GRIP2: variants seen among roughly 807,000 people sequenced by gnomAD.
The protein encoded by GRIP2 is glutamate receptor-interacting protein 2.
Under a neutral mutation model 108.3 loss-of-function variants are expected in GRIP2, and 58 were observed. The ratio of observed to expected loss-of-function variants is 0.54; its 90% CI spans 0.43 to 0.67. The LOEUF (loss-of-function observed/expected upper bound fraction) is 0.67. Ranked by LOEUF, GRIP2 falls within the 30% of genes least tolerant of loss-of-function variation. The probability of loss-of-function intolerance (pLI) is 0.00; values close to 1 mark genes in which losing one functional copy is unlikely to be tolerated. For synonymous variants in GRIP2, 586 were observed against 598.2 expected, an observed-to-expected ratio of 0.98 and a Z score of 0.30; for missense variants, 1,278 against 1,430.6, an observed-to-expected ratio of 0.89 and a Z score of 1.72.
At chr3:14,584,556 G>A in the GRIP2 span, among the ~76,000 whole-genome samples, 1 of 152,224 alleles carries the variant, frequency 6.6e-6, no homozygotes, top group Non-Finnish European at 1.5e-5. Flanking sequence ...ATTTCGCTGT[G>A]TGGAAATCCT....
At chr3:14,569,306 G>C in the GRIP2 span, among the ~76,000 whole-genome samples, 1 of 152,358 alleles carries the variant, frequency 6.6e-6, no homozygotes, top group South Asian at 2.1e-4. Flanking sequence ...GAATCGGGCT[G>C]TGTCAGAGAA....
At chr3:14,560,455 G>A (rs1011696101), upstream of GRIP2, among the ~76,000 whole-genome samples, 1 of 152,122 alleles carries the variant, frequency 6.6e-6, no homozygotes, top group African/African-American at 2.4e-5. Context: ...AGCTCCAGGA[G>A]AGCCTTGACC....
At chr3:14,569,220 G>C in the GRIP2 span, among the ~76,000 whole-genome samples, 1 of 152,230 alleles carries the variant, frequency 6.6e-6, no homozygotes. Flanking sequence ...CCAAGACTGA[G>C]TTGTGCCTGC....
At chr3:14,540,458 T>C, upstream of GRIP2, 1 of 1,543,272 alleles carries the variant, frequency 6.5e-7, no homozygotes. This position sits in a 1 kb window ranked among gnomAD's most constrained non-coding sequence, Gnocchi z 4.1. Context: ...CGGGCGGCTC[T>C]CTGCTTAAAG....
chr3:14,589,779 CTTT>C, the GRIP2 span, among the ~76,000 whole-genome samples: 4 of 119,042 alleles, frequency 3.4e-5, no homozygotes, highest in African/African-American at 3.4e-5. Context: ...ACAGACTACA[CTTT>C]TTTTTTTTTT....
At chr3:14,520,074 C>T in intron 9 of GRIP2, 36 bp downstream of exon 9, 1 of 1,549,516 alleles carries the variant, frequency 6.5e-7, no homozygotes, top group South Asian at 1.2e-5. Flanking sequence ...CATGACTGCC[C>T]AGGTTTGGGC....
chr3:14,556,181 G>A (rs1695234923), upstream of GRIP2: 1 of 391,792 alleles, frequency 2.6e-6, no homozygotes, highest in Non-Finnish European at 4.5e-6. Flanking sequence ...GGCCTGGGGA[G>A]TGCAGTGCCG....
At chr3:14,586,169 C>A in the GRIP2 span, among the ~76,000 whole-genome samples, 1 of 152,216 alleles carries the variant, frequency 6.6e-6, no homozygotes, top group Non-Finnish European at 1.5e-5. Flanking sequence ...GGGCCCCACA[C>A]AAATGTCACC....
rs1348497618 is a variant in GRIP2 at position 14,494,763 on chromosome 3, C to T, written c.2970+80G>A. On this transcript the variant is annotated intron_variant, in intron 23 of 23. Coordinates refer to ENST00000621039, the MANE Select transcript of GRIP2 (RefSeq NM_001080423.4). ...TGCATTGTCCTGCCCTCTTCACAGG[C>T]GATAGATGCAGGCTCTTTCCCCACC... 44 of 1,474,904 alleles carry T rather than the reference C, an allele frequency of 3.0e-5. No individual in the cohort carries two copies. The South Asian group carries it at 3.2e-4, about 11-fold the overall frequency. The allele number at this position is 1,474,904 out of a possible 1,614,324, so 91.4% of individuals were successfully genotyped here. A position where few individuals can be genotyped will look rare whatever the true frequency, so the allele number is the denominator to read the frequency against.
chr3:14,539,795 G>C (rs1385192770), intron 1 of GRIP2, among the ~76,000 whole-genome samples: 2 of 152,104 alleles, frequency 1.3e-5, no homozygotes, highest in African/African-American at 4.8e-5. Context: ...CCCCAAACCA[G>C]AGTTTCTCCT....
Position 14,522,850 on chromosome 3 carries a change from A to G in GRIP2, c.566+150T>C. ...GGGGTTACATCCCGGTTCCATCAACAACTCCCTGAATGACACCGGGCAGGG... is the reference window on the plus strand; with the variant it reads ...GGGGTTACATCCCGGTTCCATCAACGACTCCCTGAATGACACCGGGCAGGG... On this transcript the variant is annotated intron_variant, in intron 6 of 23. Coordinates refer to ENST00000621039, the MANE Select transcript of GRIP2 (RefSeq NM_001080423.4). The surrounding 1 kb of genome is among the most constrained non-coding windows in gnomAD (Gnocchi z 4.3). 1 of 658,554 alleles carries G rather than the reference A, an allele frequency of 1.5e-6. No individual in the cohort carries two copies. The highest frequency in any genetic ancestry group is 2.8e-5 in the East Asian group (1 of 35,118). 40.8% of individuals were successfully genotyped at this position (658,554 alleles called of 1,614,324 possible).
chr3:14,525,667 G>A, intron 2 of GRIP2, 95 bp from the exon 3 acceptor site: 1 of 1,480,926 alleles, frequency 6.8e-7, no homozygotes, highest in South Asian at 1.2e-5. Context: ...TGGTTGGTAG[G>A]GCACTCTGCT....
intron 7 of GRIP2, chr3:14,521,000 A>G (rs1694392710): frequency 5.5e-6 from 1 of 181,998 alleles, no homozygotes; most frequent in Non-Finnish European, 1.2e-5. Context: ...GACCGTCATC[A>G]TATTTCCTGA....
chr3:14,517,093 C>A lies in GRIP2; in HGVS notation c.1277G>T (p.Arg426Met). ...MSPRTTMGRR[R>M]QRRREHKSSL... ...GCTCTTGTGTTCCCTTCTTCGCTGC[C>A]TCCTCCGCCCCATTGTAGTTCGAGG... Residue 426 changes from arginine (R) to methionine (M), a missense_variant, in exon 11 of 24, where the codon AGG (arginine) becomes ATG (methionine). Physicochemically the swap from Arg to Met is moderately conservative, Grantham distance 91. Coordinates refer to ENST00000621039, the MANE Select transcript of GRIP2 (RefSeq NM_001080423.4). 1 of 1,601,208 alleles carries A rather than the reference C, an allele frequency of 6.2e-7. No individual in the cohort carries two copies. The highest frequency in any genetic ancestry group is 8.5e-7 in the Non-Finnish European group (1 of 1,174,164).
At chr3:14,574,561 A>T in the GRIP2 span, 4 of 736,998 alleles carry the variant, frequency 5.4e-6, no homozygotes, top group Non-Finnish European at 1.0e-5. Context: ...GCTGCCTCTG[A>T]TGGGGACTCA....
At chr3:14,557,042 C>T (rs1416719095), upstream of GRIP2, among the ~76,000 whole-genome samples, 1 of 152,256 alleles carries the variant, frequency 6.6e-6, no homozygotes, top group Non-Finnish European at 1.5e-5. Context: ...ATCATGGCTG[C>T]CACAGAAATC....
chr3:14,596,166 G>A, the GRIP2 span, among the ~76,000 whole-genome samples: 741 of 152,334 alleles, frequency 4.9e-3, 5 homozygotes, highest in Non-Finnish European at 8.5e-3. Flanking sequence ...AGGAACTCCA[G>A]GCAGGGGCAG....
At chr3:14,509,779 T>C in intron 17 of GRIP2, 41 bp downstream of exon 17, 1 of 1,390,250 alleles carries the variant, frequency 7.2e-7, no homozygotes, top group South Asian at 1.8e-5. Context: ...CTTCCTGTGT[T>C]CCCTGAGCCC....
the GRIP2 span, chr3:14,573,635 G>A: frequency 6.7e-7 from 1 of 1,501,824 alleles, no homozygotes; most frequent in Non-Finnish European, 9.2e-7. Flanking sequence ...GCCGTCCTGT[G>A]ATGACACAGT....
Sources: allele counts gnomAD v4.1 joint callset (sites outside exome capture counted in the v4.1 genomes callset), GRCh38; gene constraint gnomAD v4.1.1; non-coding constraint Gnocchi (gnomAD v3.1); transcripts MANE v1.5; gene names NCBI Gene and HGNC (gene_info 2026-07-23, HGNC 2026-07-21).